The following GSE1 variants were observed in gnomAD, a reference collection of about 807,000 sequenced individuals.
The protein encoded by GSE1 is genetic suppressor element 1.
A neutral mutation model predicts 112.6 loss-of-function variants in GSE1; 32 were observed. The observed-to-expected ratio is 0.28, with a 90% CI of 0.21 to 0.38. GSE1 has a LOEUF of 0.38. GSE1 is among the 10% of genes least tolerant of loss of function. The pLI is 1.00. For missense variants in GSE1, 2,348 were observed against 1,699.2 expected, an observed-to-expected ratio of 1.38 and a Z score of -6.71; for synonymous variants, 1,115 against 735.6, an observed-to-expected ratio of 1.52 and a Z score of -8.35.
intron 2 of GSE1, among the ~76,000 whole-genome samples, chr16:85,634,892 T>C (rs1019540691): frequency 6.6e-6 from 1 of 152,132 alleles, no homozygotes; most frequent in Non-Finnish European, 1.5e-5. Flanking sequence ...CTGGAGCTGC[T>C]GGGGGCCTTG....
intron 2 of GSE1, among the ~76,000 whole-genome samples, chr16:85,496,485 G>A (rs905160134): frequency 2.0e-5 from 3 of 152,260 alleles, no homozygotes; most frequent in African/African-American, 7.2e-5. Context: ...TGCTGGCGAG[G>A]CGGGCAGCCC....
chr16:85,299,557 C>T (rs1013529971), intron 1 of GSE1, among the ~76,000 whole-genome samples: 8 of 152,232 alleles, frequency 5.3e-5, no homozygotes, highest in African/African-American at 1.9e-4. Flanking sequence ...AGGATTCAAG[C>T]CCAGCATGTC....
intron 1 of GSE1, among the ~76,000 whole-genome samples, chr16:85,300,468 C>A (rs55808618): frequency 0.052 from 7,962 of 152,336 alleles, 292 homozygotes; most frequent in East Asian, 0.11. Flanking sequence ...CCCAGCAGAT[C>A]CTGTAACCAC....
intron 2 of GSE1, among the ~76,000 whole-genome samples, chr16:85,359,879 C>T (rs1370173051): frequency 6.6e-6 from 1 of 152,056 alleles, no homozygotes; most frequent in Non-Finnish European, 1.5e-5. Flanking sequence ...CAAAAAAATA[C>T]AAAAATTAGC....
Position 85,669,758 on chromosome 16 carries a change from A to C in GSE1, c.3416-1237A>C, listed in dbSNP as rs1019489981. 4.6e-5 allele frequency among the ~76,000 whole-genome samples: 7 copies of C among 152,228 alleles called. 1 individual carries two copies. The highest frequency in any genetic ancestry group is 6.8e-3 in the Middle Eastern group (2 of 294). ...TTGGCTTTTTCCTGTTCTGCGTAGG[A>C]TTCATGTGTGTGTACAGAGTAAGGC... On this transcript the variant is annotated intron_variant, in intron 14 of 15. Transcript: ENST00000253458.
At chr16:85,619,390 G>T (rs527366437) in intron 1 of GSE1, among the ~76,000 whole-genome samples, 1 of 151,522 alleles carries the variant, frequency 6.6e-6, no homozygotes, top group East Asian at 2.0e-4. Flanking sequence ...TATATGTCAA[G>T]CTGAGCACAA....
chr16:85,586,566 C>G (rs2046704732), intron 1 of GSE1, among the ~76,000 whole-genome samples: 1 of 152,230 alleles, frequency 6.6e-6, no homozygotes, highest in Admixed American at 6.5e-5. Context: ...CACCAGCTGT[C>G]CCACTGCCAG....
chr16:85,202,973 C>T (rs1026935835), intron 1 of GSE1, among the ~76,000 whole-genome samples: 5 of 151,116 alleles, frequency 3.3e-5, no homozygotes, highest in African/African-American at 1.2e-4. Context: ...CTCCCCCTCC[C>T]TCCCCACCTC....
At chr16:85,659,022 G>A (rs569141243) in intron 8 of GSE1, among the ~76,000 whole-genome samples, 12 of 152,368 alleles carry the variant, frequency 7.9e-5, no homozygotes, top group African/African-American at 2.9e-4. Flanking sequence ...CATGCTCCAA[G>A]CTAGAAAACT....
chr16:85,337,359 G>C (rs1188163496), intron 1 of GSE1, among the ~76,000 whole-genome samples: 2 of 147,804 alleles, frequency 1.4e-5, no homozygotes, highest in African/African-American at 5.0e-5. Context: ...AGGCTGGAGT[G>C]CAGTGGCGCG....
chr16:85,645,629 C>G (rs967115871), intron 2 of GSE1, among the ~76,000 whole-genome samples: 1 of 152,202 alleles, frequency 6.6e-6, no homozygotes, highest in Non-Finnish European at 1.5e-5. Context: ...CCTCTGGGCA[C>G]CCCCTGTGAG....
intron 2 of GSE1, 51 bp downstream of exon 2, chr16:85,634,183 C>G (rs764870639): frequency 1.3e-5 from 17 of 1,259,668 alleles, no homozygotes; most frequent in Non-Finnish European, 1.8e-5. Context: ...CTCCCGAGGC[C>G]GGGACTCAGC....
chr16:85,307,887 G>T (rs948270770), intron 1 of GSE1, among the ~76,000 whole-genome samples: 4 of 152,234 alleles, frequency 2.6e-5, no homozygotes, highest in African/African-American at 9.6e-5. Flanking sequence ...CGGGGGAAAG[G>T]TCAGACTTTC....
At chr16:85,501,432 GC>G (rs1208427520) in intron 2 of GSE1, among the ~76,000 whole-genome samples, 1 of 136,126 alleles carries the variant, frequency 7.3e-6, no homozygotes, top group Non-Finnish European at 1.5e-5. Context: ...TTACTGTGTT[GC>G]CCAGGCTGGA....
Position 85,672,717 on chromosome 16 carries a change from CA to C in GSE1, c.*180del. The C allele has an allele frequency of 2.3e-6, 1 of 430,866 alleles. No individual in the cohort carries two copies. Among genetic ancestry groups the C allele is most frequent in the Non-Finnish European group, 4.1e-6 (1 of 245,026 alleles). 26.7% of individuals were successfully genotyped at this position (430,866 alleles called of 1,614,324 possible). On this transcript the variant is annotated 3_prime_UTR_variant, in exon 16 of 16. Transcript: ENST00000253458. ...GAATGAACTCACCTTGACGTCAATG[CA>C]ATTGAATCACCGTTGTCATTCAGCG... is the stretch of plus-strand genomic sequence containing the variant.
At position 85,665,096 on chromosome 16, in the gene GSE1, C is replaced by G. The variant is rs373929359; in HGVS notation, c.2726C>G (p.Ser909Cys). 17 of 1,610,128 alleles carry G rather than the reference C, an allele frequency of 1.1e-5. No individual in the cohort carries two copies. Among genetic ancestry groups the G allele is most frequent in the Non-Finnish European group, 1.4e-5 (17 of 1,176,700 alleles). The change falls in exon 12 of 16, where the codon TCT (serine) becomes TGT (cysteine). Residue 909 changes from serine to cysteine, a missense_variant. Physicochemically the swap from Ser to Cys is moderately radical, Grantham distance 112. Transcript: ENST00000253458. ...SAAVADSLTN[S>C]PRDSPAVSLS... ...GCAGTGGCCGACTCCTTGACAAACT[C>G]TCCGAGGGACAGTCCTGCCGTCTCC...
chr16:85,639,151 C>T (rs1177748534), intron 2 of GSE1, among the ~76,000 whole-genome samples: 2 of 152,228 alleles, frequency 1.3e-5, no homozygotes, highest in African/African-American at 2.4e-5. Context: ...GGCTATTGGT[C>T]TCTTTGTTCC....
intron 2 of GSE1, among the ~76,000 whole-genome samples, chr16:85,478,728 C>G (rs1429086873): frequency 6.6e-6 from 1 of 151,054 alleles, no homozygotes; most frequent in Non-Finnish European, 1.5e-5. Flanking sequence ...AGTGCAGTGG[C>G]TCCATCTCAG....
chr16:85,577,205 G>A (rs565207193), intron 1 of GSE1, among the ~76,000 whole-genome samples: 23 of 152,288 alleles, frequency 1.5e-4, no homozygotes, highest in African/African-American at 5.3e-4. Context: ...TCTCCTCTGC[G>A]GTTCTCTTCA....
Sources: gnomAD v4.1 joint callset for allele counts (sites outside exome capture counted in the v4.1 genomes callset) on GRCh38, gnomAD v4.1.1 for gene constraint, MANE v1.5 for transcripts, NCBI Gene and HGNC (gene_info 2026-07-23, HGNC 2026-07-21) for gene names.